The following INSC variants were observed in gnomAD, a reference collection of about 807,000 sequenced individuals.
INSC encodes the protein INSC spindle orientation adaptor protein.
INSC carries 67 observed loss-of-function variants against 58.6 expected under a neutral mutation model. The ratio of observed to expected loss-of-function variants is 1.14; its 90% CI spans 0.94 to 1.40. The LOEUF is 1.40. Among genes scored for constraint, INSC ranks in the 40% most tolerant of loss-of-function variants. The probability of loss-of-function intolerance (pLI) is 0.00; values close to 1 mark genes in which losing one functional copy is unlikely to be tolerated. For missense variants in INSC, 714 were observed against 692.0 expected, an observed-to-expected ratio of 1.03 and a Z score of -0.36; for synonymous variants, 262 against 276.1, an observed-to-expected ratio of 0.95 and a Z score of 0.51.
intron 1 of INSC, among the ~76,000 whole-genome samples, chr11:15,126,542 T>G (rs1848000019): frequency 6.6e-6 from 1 of 152,200 alleles, no homozygotes; most frequent in Non-Finnish European, 1.5e-5. Context: ...GCTCATCTAA[T>G]TCAGCCCTCT....
rs186471351 is a variant in INSC, at chr11:15,221,204, A to C, written c.820-273A>C. On this transcript the variant is annotated intron_variant, in intron 7 of 12. Coordinates refer to ENST00000379556, the MANE Select transcript of INSC (RefSeq NM_001042536.3). The stretch of plus-strand genomic sequence containing the variant: ...TGGATGACCAGGGTCCTGACTCTAG[A>C]CACTTGACTTGATGTCCGCTATCTA... 7.0e-3 allele frequency among the ~76,000 whole-genome samples: 1,060 copies of C among 151,586 alleles called. 16 individuals carry two copies. Among genetic ancestry groups the C allele is most frequent in the African/African-American group, 0.023 (964 of 41,312 alleles).
At chr11:15,249,927 C>T (rs1015759407), downstream of INSC, among the ~76,000 whole-genome samples, 1 of 152,216 alleles carries the variant, frequency 6.6e-6, no homozygotes, top group Non-Finnish European at 1.5e-5. Context: ...CAAGTTAGCT[C>T]AGGTCACACA....
chr11:15,164,992 A>G (rs1307267461), intron 2 of INSC, among the ~76,000 whole-genome samples: 1 of 152,158 alleles, frequency 6.6e-6, no homozygotes, highest in Non-Finnish European at 1.5e-5. Context: ...CTTTTTCCTT[A>G]TAAATTACCC....
intron 12 of INSC, among the ~76,000 whole-genome samples, chr11:15,242,911 A>C (rs1350496691): frequency 6.6e-6 from 1 of 152,136 alleles, no homozygotes. Flanking sequence ...AGAGGCCTGC[A>C]CTTTTCAACC....
intron 2 of INSC, among the ~76,000 whole-genome samples, chr11:15,164,270 T>A (rs1160607547): frequency 6.6e-6 from 1 of 152,232 alleles, no homozygotes; most frequent in Non-Finnish European, 1.5e-5. Context: ...TTAGTTTTCA[T>A]GAACCTTTAG....
At chr11:15,116,099 C>T (rs984041371) in intron 1 of INSC, among the ~76,000 whole-genome samples, 1 of 152,186 alleles carries the variant, frequency 6.6e-6, no homozygotes, top group African/African-American at 2.4e-5. Context: ...TGGAGCTCAG[C>T]CAGAGAGCAT....
At chr11:15,155,053 G>A (rs774407840) in intron 2 of INSC, among the ~76,000 whole-genome samples, 16 of 152,144 alleles carry the variant, frequency 1.1e-4, no homozygotes, top group Non-Finnish European at 2.1e-4. Context: ...GTGGGGTTGT[G>A]GGGTGGCCTA....
Position 15,190,748 on chromosome 11 carries a change from G to A in INSC, c.627G>A (p.Glu209=), listed in dbSNP as rs774473313. 5 of 1,613,966 alleles carry A rather than the reference G, an allele frequency of 3.1e-6. No homozygotes were observed. The South Asian group carries it at 4.4e-5, about 14-fold the overall frequency. The change falls in exon 6 of 13, where the codon GAG becomes GAA. Residue 209 remains glutamate, a synonymous_variant. Coordinates refer to ENST00000379556, the MANE Select transcript of INSC (RefSeq NM_001042536.3). ...IDASDNIYTT[E]STTGNLFSLT... is the part of the protein sequence containing the mutation. ...CCTCAGACAATATCTACACCACAGA[G>A]TCCACCACAGGGAACCTGTTCAGCC...
At chr11:15,237,020 A>G (rs935365528) in intron 10 of INSC, among the ~76,000 whole-genome samples, 2 of 152,164 alleles carry the variant, frequency 1.3e-5, no homozygotes, top group African/African-American at 2.4e-5. Context: ...GTGGGTCTCC[A>G]TAGGCCTGTG....
At chr11:15,157,371 C>T (rs536913814) in intron 2 of INSC, among the ~76,000 whole-genome samples, 2 of 152,322 alleles carry the variant, frequency 1.3e-5, no homozygotes, top group African/African-American at 4.8e-5. Context: ...TCTGCCTTTA[C>T]CTCAATTTTC....
intron 2 of INSC, among the ~76,000 whole-genome samples, chr11:15,169,417 C>G (rs141911984): frequency 6.6e-6 from 1 of 152,214 alleles, no homozygotes; most frequent in Non-Finnish European, 1.5e-5. Context: ...GGCTCTTTAG[C>G]CAGGTTTCAC....
At chr11:15,164,391 T>G (rs1204850981) in intron 2 of INSC, among the ~76,000 whole-genome samples, 1 of 152,212 alleles carries the variant, frequency 6.6e-6, no homozygotes, top group East Asian at 1.9e-4. Context: ...TTCCTATCTC[T>G]GCTTTCTTCC....
chr11:15,129,477 G>A (rs896939210), intron 1 of INSC, among the ~76,000 whole-genome samples: 8 of 152,126 alleles, frequency 5.3e-5, no homozygotes, highest in African/African-American at 1.4e-4. Flanking sequence ...CGTTTATGGC[G>A]AATTAACATT....
chr11:15,240,451 G>A lies in INSC; in HGVS notation c.1398G>A (p.Met466Ile), dbSNP rs1475820734. 2 of 1,613,820 alleles carry A rather than the reference G, an allele frequency of 1.2e-6. No individual in the cohort carries two copies. The highest frequency in any genetic ancestry group is 1.7e-5 in the Admixed American group (1 of 60,006). Residue 466 changes from methionine (M) to isoleucine (I), a missense_variant, in exon 12 of 13, where the codon ATG becomes ATA. Met to Ile is a conservative substitution (Grantham distance 10). Coordinates refer to ENST00000379556, the MANE Select transcript of INSC (RefSeq NM_001042536.3). ...VAREAVRLSC[M>I]SRLIELCRSP... ...CTCTCCCTGTGTCTCCTACAGGCAT[G>A]TCCCGTCTCATCGAGCTCTGCAGAT...
upstream of INSC, chr11:15,114,869 G>T (rs922014704): frequency 3.3e-6 from 3 of 904,970 alleles, no homozygotes; most frequent in Non-Finnish European, 4.0e-6. Context: ...GAACGGGGCG[G>T]GGGGTGGGGC....
intron 10 of INSC, 114 bp downstream of exon 10, chr11:15,235,782 C>A (rs547541661): frequency 6.5e-6 from 6 of 921,870 alleles, no homozygotes; most frequent in Non-Finnish European, 1.1e-5. Context: ...TGTGGCCGGG[C>A]GCAGGAATCA....
Position 15,142,999 on chromosome 11 carries a change from A to C in INSC, c.-45-6131A>C, listed in dbSNP as rs549643476. ...AATACTCATCACGGCATGCTGAAATAGTTACCATTGTCTCCAGTTTATCTG... is the reference window on the plus strand; with the variant it reads ...AATACTCATCACGGCATGCTGAAATCGTTACCATTGTCTCCAGTTTATCTG... On this transcript the variant is annotated intron_variant, in intron 1 of 12. Transcript: ENST00000379556. 1.4e-3 allele frequency among the ~76,000 whole-genome samples: 206 copies of C among 152,138 alleles called. 2 individuals are homozygous for C. The highest frequency in any genetic ancestry group is 4.5e-3 in the African/African-American group (188 of 41,496).
chr11:15,137,361 C>G (rs1327059677), intron 1 of INSC, among the ~76,000 whole-genome samples: 1 of 152,210 alleles, frequency 6.6e-6, no homozygotes, highest in African/African-American at 2.4e-5. Flanking sequence ...AGAGAGTCAG[C>G]CTGCCCTTTG....
At chr11:15,180,836 C>T (rs1461577467) in intron 5 of INSC, among the ~76,000 whole-genome samples, 1 of 152,164 alleles carries the variant, frequency 6.6e-6, no homozygotes, top group African/African-American at 2.4e-5. Flanking sequence ...AAGGGCTGAG[C>T]TTACCATGCT....
Sources: gnomAD v4.1 joint callset for allele counts (sites outside exome capture counted in the v4.1 genomes callset) on GRCh38, gnomAD v4.1.1 for gene constraint, MANE v1.5 for transcripts, NCBI Gene and HGNC (gene_info 2026-07-23, HGNC 2026-07-21) for gene names.